DOP1A: variants seen among roughly 807,000 people sequenced by gnomAD.
The protein encoded by DOP1A is DOP1 leucine zipper like protein A, also known as protein DOP1A.
A neutral mutation model predicts 267.6 loss-of-function variants in DOP1A; 90 were observed. The ratio of observed to expected loss-of-function variants is 0.34; its 90% CI spans 0.28 to 0.40. DOP1A has a LOEUF of 0.40. DOP1A is among the 10% of genes least tolerant of loss of function. The probability of loss-of-function intolerance (pLI) is 1.00; values close to 1 mark genes in which losing one functional copy is unlikely to be tolerated. For synonymous variants in DOP1A, 932 were observed against 999.1 expected (o/e 0.93, Z 1.27); for missense variants, 2,437 against 2,900.4 (o/e 0.84, Z 3.67).
chr6:83,168,320 C>G lies in DOP1A; in HGVS notation c.*153C>G. On this transcript the variant is annotated 3_prime_UTR_variant, in exon 39 of 39. Coordinates refer to ENST00000349129, the MANE Select transcript of DOP1A (RefSeq NM_015018.4). ...AATATTTGTATATAAGAGCAAATGT[C>G]TGAATGTGGCCTGAATCAAGTTTAA... 2.8e-6 allele frequency: 4 copies of G among 1,422,322 alleles called. No homozygotes were observed. Among genetic ancestry groups the G allele is most frequent in the Non-Finnish European group, 2.7e-6 (3 of 1,094,140 alleles). 88.1% of individuals were successfully genotyped at this position (1,422,322 alleles called of 1,614,324 possible). A position where few individuals can be genotyped will look rare whatever the true frequency, so the allele number is the denominator to read the frequency against.
intron 1 of DOP1A, among the ~76,000 whole-genome samples, chr6:83,080,212 TAGAA>T (rs1767850947): frequency 6.6e-6 from 1 of 152,150 alleles, no homozygotes; most frequent in African/African-American, 2.4e-5. Flanking sequence ...AACAAAACAT[TAGAA>T]AGATATGTTT....
Position 83,137,730 on chromosome 6 carries a change from A to G in DOP1A, c.3688A>G (p.Asn1230Asp). 6.2e-7 allele frequency: 1 copy of G among 1,613,710 alleles called. No individual in the cohort carries two copies. Among genetic ancestry groups the G allele is most frequent in the Non-Finnish European group, 8.5e-7 (1 of 1,179,842 alleles). ...AGAGGGAGGCCATGAGTGTGTGGCAAATGGAATCTCCAGGAATAGCTCCTC... is the reference window on the plus strand; with the variant it reads ...AGAGGGAGGCCATGAGTGTGTGGCAGATGGAATCTCCAGGAATAGCTCCTC... ...SAEGGHECVA[N>D]GISRNSSSPC... Residue 1230 changes from asparagine (N) to aspartate (D), a missense_variant, in exon 21 of 39, where the codon AAT becomes GAT. By Grantham distance (23) the Asn-to-Asp change is conservative. Coordinates refer to ENST00000349129, the MANE Select transcript of DOP1A (RefSeq NM_015018.4).
At position 83,128,941 on chromosome 6, in the gene DOP1A, C is replaced by G; in HGVS notation, c.1774C>G (p.Pro592Ala). Residue 592 changes from proline to alanine, a missense_variant, in exon 16 of 39, where the codon CCA becomes GCA. Around this residue, in one of 9 missense-constraint regions of DOP1A, gnomAD observed 498 missense variants for 513.5 expected, o/e 0.97. Transcript: ENST00000349129. ...PTEVFEDGEN[P>A]PSSRSSESGF... Reference sequence around the variant, plus strand: ...TGAAGTGTTTGAAGATGGAGAAAATCCACCAAGTAGTCGATCATCAGAGAG... The same window carrying G: ...TGAAGTGTTTGAAGATGGAGAAAATGCACCAAGTAGTCGATCATCAGAGAG... 1.3e-6 allele frequency: 2 copies of G among 1,561,508 alleles called. No homozygotes were observed. Among genetic ancestry groups the G allele is most frequent in the Non-Finnish European group, 1.7e-6 (2 of 1,153,346 alleles).
intron 20 of DOP1A, 40 bp from the exon 21 acceptor site, chr6:83,137,133 T>G (rs1369130217): frequency 6.8e-7 from 1 of 1,480,492 alleles, no homozygotes; most frequent in African/African-American, 1.4e-5. Context: ...TTTAATGCAT[T>G]TTGTATTTTT....
intron 17 of DOP1A, among the ~76,000 whole-genome samples, chr6:83,131,738 C>G (rs1423388078): frequency 6.6e-6 from 1 of 151,984 alleles, no homozygotes; most frequent in Non-Finnish European, 1.5e-5. Context: ...CGGGTTCAAG[C>G]AATTCTCGTG....
At chr6:83,152,184 C>T (rs1562370917) in intron 29 of DOP1A, 104 bp from the exon 30 acceptor site, 3 of 727,444 alleles carry the variant, frequency 4.1e-6, no homozygotes, top group African/African-American at 1.9e-5. Context: ...TATACATATA[C>T]ATATATATAT....
intron 1 of DOP1A, among the ~76,000 whole-genome samples, chr6:83,079,040 T>G (rs1767621985): frequency 6.6e-6 from 1 of 152,186 alleles, no homozygotes; most frequent in Non-Finnish European, 1.5e-5. Context: ...TATCTTGATA[T>G]CCTCAACATT....
chr6:83,070,444 T>C (rs1476069210), intron 1 of DOP1A, among the ~76,000 whole-genome samples: 2 of 152,292 alleles, frequency 1.3e-5, no homozygotes, highest in East Asian at 3.9e-4. Context: ...TCAAATTTAT[T>C]AAGGAAAAAT....
chr6:83,167,201 CA>C (rs1363329036), intron 38 of DOP1A: 1 of 902,544 alleles, frequency 1.1e-6, no homozygotes, highest in African/African-American at 1.8e-5. Flanking sequence ...ATATCCTGCC[CA>C]AGGGTGCCGT....
Position 83,138,413 on chromosome 6 carries a change from TTC to T in DOP1A, c.4377_4378del (p.Cys1460LeufsTer6). On this transcript the variant is annotated frameshift_variant, in exon 21 of 39. Coordinates refer to ENST00000349129, the MANE Select transcript of DOP1A (RefSeq NM_015018.4). LOFTEE classifies it high-confidence loss of function. ...RSSMYIEILI[S>X]LCLYYMRSHY... The stretch of plus-strand genomic sequence containing the variant: ...GTTCTATGTACATAGAAATTCTTAT[TTC>T]TCTCTGCTTATATTACATGCGTAGC... 6.2e-7 allele frequency: 1 copy of T among 1,611,476 alleles called. No individual in the cohort carries two copies. The highest frequency in any genetic ancestry group is 1.1e-5 in the South Asian group (1 of 91,060).
chr6:83,126,502 C>G lies in DOP1A; in HGVS notation c.1719+769C>G, dbSNP rs535340983. ...AGCTAAACATAGTCTCTGCCCTTCT[C>G]TATCCTTCCTTTCTAATTGGAAGAA... On this transcript the variant is annotated intron_variant, in intron 15 of 38. Coordinates refer to ENST00000349129, the MANE Select transcript of DOP1A (RefSeq NM_015018.4). 4.6e-5 allele frequency among the ~76,000 whole-genome samples: 7 copies of G among 152,240 alleles called. No homozygotes were observed. The East Asian group carries it at 1.4e-3, about 29-fold the overall frequency.
At chr6:83,122,409 A>G (rs1776512763) in intron 11 of DOP1A, among the ~76,000 whole-genome samples, 1 of 151,912 alleles carries the variant, frequency 6.6e-6, no homozygotes. Context: ...AAGAATAATA[A>G]TTTGATTGAA....
At position 83,129,010 on chromosome 6, in the gene DOP1A, G is replaced by A. The variant is rs745619134; in HGVS notation, c.1843G>A (p.Asp615Asn). The A allele has an allele frequency of 6.2e-7, 1 of 1,613,624 alleles. No individual in the cohort carries two copies. The highest frequency in any genetic ancestry group is 8.5e-7 in the Non-Finnish European group (1 of 1,179,784). Residue 615 changes from aspartate to asparagine, a missense_variant, in exon 16 of 39, where the codon GAT becomes AAT. Physicochemically the swap from Asp to Asn is conservative, Grantham distance 23 (BLOSUM62 1). This residue lies in a region of DOP1A where 498 missense variants were observed against 513.5 expected (regional missense o/e 0.97). Coordinates refer to ENST00000349129, the MANE Select transcript of DOP1A (RefSeq NM_015018.4). ...FIQYQADRTD[D>N]IDRELSEGQG... ...ACAATATCAAGCAGACCGAACTGAT[G>A]ATATTGACAGAGAACTGAGTGAGGG...
chr6:83,162,698 GGGGT>G, intron 37 of DOP1A, 88 bp from the exon 38 acceptor site: 1 of 1,375,936 alleles, frequency 7.3e-7, no homozygotes, highest in Non-Finnish European at 9.7e-7. Context: ...TATAAGCAGT[GGGGT>G]CATGATCTTT....
At chr6:83,148,988 A>G (rs1402300903) in intron 27 of DOP1A, 125 bp downstream of exon 27, 5 of 538,606 alleles carry the variant, frequency 9.3e-6, no homozygotes, top group Non-Finnish European at 1.5e-5. Context: ...TGTTCTTGAG[A>G]TGCAAAACTA....
rs148056131 is a variant in DOP1A at position 83,128,916 on chromosome 6, T to C, written c.1749T>C (p.Thr583=). The C allele has an allele frequency of 6.5e-7, 1 of 1,540,220 alleles. No homozygotes were observed. The highest frequency in any genetic ancestry group is 8.7e-7 in the Non-Finnish European group (1 of 1,144,604). The change falls in exon 16 of 39, where the codon ACT becomes ACC. Residue 583 remains threonine (T), a synonymous_variant. Transcript: ENST00000349129. ...CATCAGTTTCTCATGAAAATCCTAC[T>C]GAAGTGTTTGAAGATGGAGAAAATC... The part of the protein sequence containing the change: ...KVSSVSHENP[T]EVFEDGENPP...
chr6:83,128,695 A>G (rs1309859183), intron 15 of DOP1A, among the ~76,000 whole-genome samples, 192 bp from the exon 16 acceptor site: 2 of 152,196 alleles, frequency 1.3e-5, no homozygotes, highest in African/African-American at 4.8e-5. Flanking sequence ...ATCTAACCTT[A>G]TGTATGCTGT....
chr6:83,117,588 G>T (rs1030547581), intron 7 of DOP1A, among the ~76,000 whole-genome samples: 2 of 152,120 alleles, frequency 1.3e-5, no homozygotes, highest in Non-Finnish European at 2.9e-5. Context: ...AGTATAGTAG[G>T]TGCAGCTGCT....
chr6:83,104,152 A>G (rs947601023), intron 4 of DOP1A, among the ~76,000 whole-genome samples: 1 of 152,148 alleles, frequency 6.6e-6, no homozygotes, highest in African/African-American at 2.4e-5. Context: ...CTGTATTGAC[A>G]TTGTATTCAG....
Sources: allele counts gnomAD v4.1 joint callset (sites outside exome capture counted in the v4.1 genomes callset), GRCh38; gene constraint gnomAD v4.1.1; regional missense constraint gnomAD v4.1.1; transcripts MANE v1.5; gene names NCBI Gene and HGNC (gene_info 2026-07-23, HGNC 2026-07-21).